The following ARHGAP15 variants were observed in gnomAD, a reference collection of about 807,000 sequenced individuals.
ARHGAP15 encodes Rho GTPase activating protein 15, also known as rho GTPase-activating protein 15.
Under a neutral mutation model 63.7 loss-of-function variants are expected in ARHGAP15, and 51 were observed. That is an observed-to-expected ratio of 0.80 (90% CI 0.64 to 1.01). ARHGAP15 has a LOEUF of 1.01. ARHGAP15 is among the 50% of genes least tolerant of loss of function. The pLI is 0.00. For synonymous variants in ARHGAP15, 191 were observed against 193.8 expected (o/e 0.99, Z 0.12); for missense variants, 560 against 564.6 (o/e 0.99, Z 0.08).
chr2:143,198,740 G>A (rs961227666), intron 2 of ARHGAP15, among the ~76,000 whole-genome samples: 1 of 152,232 alleles, frequency 6.6e-6, no homozygotes, highest in East Asian at 1.9e-4. Flanking sequence ...AGATGAAAGA[G>A]GGCATGGAGC....
At chr2:143,217,472 C>T (rs1692799888) in intron 4 of ARHGAP15, among the ~76,000 whole-genome samples, 1 of 152,124 alleles carries the variant, frequency 6.6e-6, no homozygotes, top group South Asian at 2.1e-4. Flanking sequence ...TAAATCTTTG[C>T]CTGGACTGTT....
chr2:143,177,494 G>A (rs1224713803), intron 2 of ARHGAP15, among the ~76,000 whole-genome samples: 1 of 152,112 alleles, frequency 6.6e-6, no homozygotes, highest in Non-Finnish European at 1.5e-5. Flanking sequence ...AGGGTCTTTT[G>A]CATTTTGCTG....
intron 6 of ARHGAP15, among the ~76,000 whole-genome samples, chr2:143,291,319 A>AGG (rs1682388925): frequency 2.0e-5 from 3 of 152,008 alleles, no homozygotes; most frequent in Admixed American, 2.0e-4. Context: ...ATTAGACACT[A>AGG]CCTGTCCCAA....
chr2:143,635,376 A>G (rs927654166), intron 12 of ARHGAP15, among the ~76,000 whole-genome samples: 2 of 151,812 alleles, frequency 1.3e-5, no homozygotes, highest in African/African-American at 2.4e-5. Context: ...AAAGCCTGTT[A>G]TGGAATAAGA....
intron 10 of ARHGAP15, among the ~76,000 whole-genome samples, chr2:143,543,285 C>T (rs1026793723): frequency 6.6e-6 from 1 of 152,044 alleles, no homozygotes; most frequent in Non-Finnish European, 1.5e-5. Flanking sequence ...TTGCATGTAT[C>T]TGATGATTAG....
At chr2:143,510,567 C>T (rs962931160) in intron 9 of ARHGAP15, among the ~76,000 whole-genome samples, 11 of 152,180 alleles carry the variant, frequency 7.2e-5, no homozygotes, top group African/African-American at 2.4e-4. Flanking sequence ...AGACTGGTCC[C>T]CTAGCCTCTC....
chr2:143,624,958 A>G (rs150892118), intron 12 of ARHGAP15, among the ~76,000 whole-genome samples: 8 of 152,238 alleles, frequency 5.3e-5, no homozygotes, highest in African/African-American at 1.2e-4. Context: ...GAATAAATGA[A>G]TGAATGAATC....
intron 11 of ARHGAP15, among the ~76,000 whole-genome samples, chr2:143,588,919 C>A (rs981235367): frequency 6.6e-6 from 1 of 152,152 alleles, no homozygotes; most frequent in Non-Finnish European, 1.5e-5. Context: ...AGTTTCTCTG[C>A]CCTTTTTATA....
At chr2:143,558,688 G>T (rs1440433648) in intron 11 of ARHGAP15, among the ~76,000 whole-genome samples, 3 of 152,188 alleles carry the variant, frequency 2.0e-5, no homozygotes, top group Non-Finnish European at 2.9e-5. Flanking sequence ...CATACAAGGA[G>T]TTCCTCATAC....
At chr2:143,517,480 C>T (rs1693873313) in intron 9 of ARHGAP15, among the ~76,000 whole-genome samples, 1 of 152,096 alleles carries the variant, frequency 6.6e-6, no homozygotes, top group African/African-American at 2.4e-5. Context: ...TATTGACTAC[C>T]TCCACTGATG....
chr2:143,373,427 G>A (rs1319000819), intron 6 of ARHGAP15, among the ~76,000 whole-genome samples: 1 of 151,948 alleles, frequency 6.6e-6, no homozygotes, highest in South Asian at 2.1e-4. Flanking sequence ...TCAGGAGATC[G>A]AGACCATCCT....
chr2:143,155,076 G>A (rs1367090852), intron 1 of ARHGAP15, among the ~76,000 whole-genome samples: 1 of 151,888 alleles, frequency 6.6e-6, no homozygotes, highest in Admixed American at 6.6e-5. Flanking sequence ...AATGGGTGCT[G>A]ATGGTAGCAT....
intron 12 of ARHGAP15, among the ~76,000 whole-genome samples, chr2:143,677,387 C>A (rs1682879998): frequency 6.6e-6 from 1 of 152,142 alleles, no homozygotes; most frequent in South Asian, 2.1e-4. Context: ...ACCCTCACCC[C>A]TACTTGCATA....
At chr2:143,351,937 A>T (rs1014106190) in intron 6 of ARHGAP15, among the ~76,000 whole-genome samples, 47 of 152,334 alleles carry the variant, frequency 3.1e-4, no homozygotes, top group African/African-American at 1.0e-3. Flanking sequence ...GGATCAGTTC[A>T]CTATTTATAG....
At chr2:143,727,437 A>T (rs963902193) in intron 13 of ARHGAP15, among the ~76,000 whole-genome samples, 7 of 151,110 alleles carry the variant, frequency 4.6e-5, no homozygotes, top group African/African-American at 1.7e-4. Flanking sequence ...AAACTTTTAA[A>T]AAAATAACCT....
intron 10 of ARHGAP15, among the ~76,000 whole-genome samples, chr2:143,539,732 G>A (rs939958661): frequency 6.6e-6 from 1 of 152,042 alleles, no homozygotes; most frequent in African/African-American, 2.4e-5. Context: ...TGATTGCACT[G>A]TGGTCTGAGA....
intron 6 of ARHGAP15, among the ~76,000 whole-genome samples, chr2:143,431,026 T>A (rs1206408376): frequency 6.6e-6 from 1 of 152,058 alleles, no homozygotes; most frequent in African/African-American, 2.4e-5. Flanking sequence ...GATAACCCAA[T>A]TCAGTCTTAG....
At chr2:143,447,834 T>C (rs1445126054) in intron 8 of ARHGAP15, among the ~76,000 whole-genome samples, 1 of 152,050 alleles carries the variant, frequency 6.6e-6, no homozygotes, top group South Asian at 2.1e-4. Flanking sequence ...CCCTTACAGA[T>C]TTTATGCATG....
chr2:143,742,992 G>A (rs1168586911), intron 13 of ARHGAP15, among the ~76,000 whole-genome samples: 1 of 152,232 alleles, frequency 6.6e-6, no homozygotes, highest in East Asian at 1.9e-4. Flanking sequence ...GGGACCAGGG[G>A]AAGAAAGGGG....
Sources: allele counts gnomAD v4.1 joint callset (sites outside exome capture counted in the v4.1 genomes callset), GRCh38; gene constraint gnomAD v4.1.1; transcripts MANE v1.5; gene names NCBI Gene and HGNC (gene_info 2026-07-23, HGNC 2026-07-21).